Variants in GNG8 observed in about 807,000 individuals in gnomAD.
GNG8 encodes the protein G protein subunit gamma 8.
A neutral mutation model predicts 4.6 loss-of-function variants in GNG8; 3 were observed. The ratio of observed to expected loss-of-function variants is 0.65; its 90% CI spans 0.29 to 1.67. GNG8 has a LOEUF of 1.67. Among genes scored for constraint, GNG8 ranks in the 40% most tolerant of loss-of-function variants. The pLI is 0.10. For missense variants in GNG8, 88 were observed against 95.2 expected (o/e 0.92, Z 0.32); for synonymous variants, 32 against 40.5 (o/e 0.79, Z 0.80).
chr19:46,634,481 C>T, intron 2 of GNG8, 118 bp downstream of exon 2: 2 of 982,934 alleles, frequency 2.0e-6, no homozygotes, highest in South Asian at 1.6e-5. Flanking sequence ...TGCCCCGCCC[C>T]TTGCCCAGCC....
chr19:46,636,029 CAGA>C (rs1270987442), intron 1 of GNG8, among the ~76,000 whole-genome samples, 115 bp downstream of exon 1: 1 of 151,978 alleles, frequency 6.6e-6, no homozygotes, highest in Non-Finnish European at 1.5e-5. Context: ...GATGGAGACG[CAGA>C]AGAATTCATT....
intron 1 of GNG8, among the ~76,000 whole-genome samples, chr19:46,635,912 G>A (rs1354523535): frequency 6.6e-6 from 1 of 151,226 alleles, no homozygotes; most frequent in East Asian, 1.9e-4. Flanking sequence ...CAGAGACGGG[G>A]AGATAGAGGG....
upstream of GNG8, chr19:46,639,262 T>G (rs1036189249): frequency 6.6e-6 from 1 of 152,500 alleles, no homozygotes; most frequent in Admixed American, 6.5e-5. This position sits in a 1 kb window ranked among gnomAD's most constrained non-coding sequence, Gnocchi z 5.2. Context: ...TAAGGGGGCG[T>G]GCCCCTCGGT....
chr19:46,635,032 G>T (rs1382543252), intron 1 of GNG8, among the ~76,000 whole-genome samples: 4 of 152,202 alleles, frequency 2.6e-5, no homozygotes, highest in African/African-American at 9.6e-5. Flanking sequence ...ACCCCCGGGG[G>T]CAGAGCGAGA....
At chr19:46,637,264 A>C (rs2052874919), upstream of GNG8, 1 of 152,202 alleles carries the variant, frequency 6.6e-6, no homozygotes, top group Non-Finnish European at 1.5e-5. Flanking sequence ...GGTCACATAC[A>C]TTCTCTCACA....
rs776694810 is a variant in GNG8, at chr19:46,634,597, A to G, written c.84+2T>C. On this transcript the variant is annotated splice_donor_variant, in intron 2 of 2. Coordinates refer to ENST00000693335, the MANE Select transcript of GNG8 (RefSeq NM_033258.2). LOFTEE classifies it high-confidence loss of function. ...GCCCTATTCCCCACCCCGACCCAGCACCTTCATGCGGTCGATGTTCACCTC... is the reference window on the plus strand; with the variant it reads ...GCCCTATTCCCCACCCCGACCCAGCGCCTTCATGCGGTCGATGTTCACCTC... 6.2e-7 allele frequency: 1 copy of G among 1,608,662 alleles called. No individual in the cohort carries two copies. Among genetic ancestry groups the G allele is most frequent in the South Asian group, 1.1e-5 (1 of 90,938 alleles).
chr19:46,635,111 C>A (rs928763837), intron 1 of GNG8, among the ~76,000 whole-genome samples: 1 of 151,980 alleles, frequency 6.6e-6, no homozygotes, highest in Admixed American at 6.5e-5. Flanking sequence ...ATTAAGATCG[C>A]GGCGGGAGGG....
upstream of GNG8, chr19:46,638,566 TCACA>T (rs1325294911): frequency 2.0e-5 from 3 of 152,962 alleles, no homozygotes; most frequent in Non-Finnish European, 4.4e-5. This position sits in a 1 kb window ranked among gnomAD's most constrained non-coding sequence, Gnocchi z 4.7. Flanking sequence ...CAGTACACAC[TCACA>T]CACTCTCCAG....
chr19:46,634,090 A>T lies in GNG8; in HGVS notation c.199T>A (p.Cys67Ser). The T allele has an allele frequency of 6.2e-7, 1 of 1,613,778 alleles. No individual in the cohort carries two copies. The highest frequency in any genetic ancestry group is 8.5e-7 in the Non-Finnish European group (1 of 1,179,876). Residue 67 changes from cysteine to serine, a missense_variant, in exon 3 of 3, where the codon TGT becomes AGT. Cys to Ser is a moderately radical substitution (Grantham distance 112). Coordinates refer to ENST00000693335, the MANE Select transcript of GNG8 (RefSeq NM_033258.2). ...GTCCGGAGGGCTCAGAGCAGAACAC[A>T]AAAGAGGCGCTTGTCGCGGAAGGGG... ...ENPFRDKRLF[C>S]VLL
chr19:46,634,245 T>C, intron 2 of GNG8, 41 bp from the exon 3 acceptor site: 1 of 1,573,420 alleles, frequency 6.4e-7, no homozygotes, highest in Non-Finnish European at 8.6e-7. Context: ...CCTGCCCGGC[T>C]CCTTGGAGCC....
chr19:46,635,131 G>A (rs548166637), intron 1 of GNG8, among the ~76,000 whole-genome samples: 26 of 152,208 alleles, frequency 1.7e-4, no homozygotes, highest in African/African-American at 4.6e-4. Flanking sequence ...GGCACAGAGG[G>A]GGCCTCATTA....
intron 2 of GNG8, 150 bp downstream of exon 2, chr19:46,634,449 G>A (rs2052850303): frequency 5.6e-6 from 2 of 355,794 alleles, no homozygotes; most frequent in Non-Finnish European, 9.7e-6. Flanking sequence ...CCCTCCCCTC[G>A]TCCTGGCCCC....
intron 1 of GNG8, among the ~76,000 whole-genome samples, chr19:46,635,184 C>A (rs2052857521): frequency 6.6e-6 from 1 of 151,886 alleles, no homozygotes; most frequent in African/African-American, 2.4e-5. Context: ...CTCAGGGAGC[C>A]CCCCCACCCT....
At chr19:46,635,937 G>C (rs993987245) in intron 1 of GNG8, among the ~76,000 whole-genome samples, 2 of 151,476 alleles carry the variant, frequency 1.3e-5, no homozygotes, top group Non-Finnish European at 2.9e-5. Context: ...AGGAAAGAAG[G>C]GAAGGACAAA....
At chr19:46,638,995 A>G (rs2052885383), upstream of GNG8, 1 of 154,190 alleles carries the variant, frequency 6.5e-6, no homozygotes, top group Admixed American at 6.5e-5. The surrounding 1 kb of genome is among the most constrained non-coding windows in gnomAD (Gnocchi z 4.7). Context: ...ACTCAGAGAG[A>G]CAGAGACGGG....
chr19:46,635,127 G>C (rs938428127), intron 1 of GNG8, among the ~76,000 whole-genome samples: 2 of 152,090 alleles, frequency 1.3e-5, no homozygotes, highest in Non-Finnish European at 2.9e-5. Flanking sequence ...GAGGGGCACA[G>C]AGGGGGCCTC....
chr19:46,634,913 G>A (rs895817285), intron 1 of GNG8, among the ~76,000 whole-genome samples, 188 bp from the exon 2 acceptor site: 1 of 152,018 alleles, frequency 6.6e-6, no homozygotes, highest in Non-Finnish European at 1.5e-5. Context: ...AGCTAAGGCA[G>A]GTGGGGAGAG....
Position 46,634,609 on chromosome 19 carries a change from T to A in GNG8, c.74A>T (p.Asp25Val), listed in dbSNP as rs1233027201. The change falls in exon 2 of 3, where the codon GAC (aspartate) becomes GTC (valine). Residue 25 changes from aspartate (D) to valine (V), a missense_variant. By Grantham distance (152) the Asp-to-Val change is radical. Transcript: ENST00000693335. ...ACCCCGACCCAGCACCTTCATGCGG[T>A]CGATGTTCACCTCCAGCTTCAGCTG... is the stretch of plus-strand genomic sequence containing the variant. ...VEQLKLEVNI[D>V]RMKVSQAAAE... The A allele has an allele frequency of 6.2e-7, 1 of 1,611,078 alleles. No individual in the cohort carries two copies.
intron 1 of GNG8, among the ~76,000 whole-genome samples, chr19:46,635,334 T>G: frequency 6.8e-6 from 1 of 146,648 alleles, no homozygotes; most frequent in South Asian, 2.2e-4. Flanking sequence ...GACAGAGTAA[T>G]GGAGGGAGAG....
Sources: gnomAD v4.1 joint callset for allele counts (sites outside exome capture counted in the v4.1 genomes callset) on GRCh38, gnomAD v4.1.1 for gene constraint, Gnocchi (gnomAD v3.1) non-coding constraint, MANE v1.5 for transcripts, NCBI Gene and HGNC (gene_info 2026-07-23, HGNC 2026-07-21) for gene names.